The following TESK2 variants were observed in gnomAD, a reference collection of about 807,000 sequenced individuals.
TESK2 encodes the protein testis associated actin remodelling kinase 2.
A neutral mutation model predicts 57.1 loss-of-function variants in TESK2; 39 were observed. The ratio of observed to expected loss-of-function variants is 0.68; its 90% CI spans 0.53 to 0.89. TESK2 has a LOEUF of 0.89. Among genes scored for constraint, TESK2 ranks in the 40% least tolerant of loss-of-function variants. The pLI, the probability that TESK2 is intolerant of heterozygous loss-of-function variation, is 0.00. For synonymous variants in TESK2, 249 were observed against 267.9 expected (o/e 0.93, Z 0.69); for missense variants, 646 against 732.1 (o/e 0.88, Z 1.36).
chr1:45,415,406 C>A, intron 3 of TESK2: 1 of 755,082 alleles, frequency 1.3e-6, no homozygotes, highest in Non-Finnish European at 2.2e-6. Flanking sequence ...CAGGAGAGCA[C>A]TCCTCCACCC....
In TESK2 at chr1:45,344,890, A is replaced by T. The variant is rs750637742; in HGVS notation, c.1666T>A (p.Phe556Ile). 1.9e-6 allele frequency: 3 copies of T among 1,613,752 alleles called. No homozygotes were observed. The highest frequency in any genetic ancestry group is 2.5e-6 in the Non-Finnish European group (3 of 1,180,048). The change falls in exon 11 of 11, where the codon TTC becomes ATC. Residue 556 changes from phenylalanine (F) to isoleucine (I), a missense_variant. Physicochemically the swap from Phe to Ile is conservative, Grantham distance 21 (BLOSUM62 0). Transcript: ENST00000372086. ...ERPAGSTPAT[F>I]STSGIGLQTQ... ...TGCAGGCCTATGCCTGAGGTGGAGA[A>T]GGTGGCTGGAGTTGAGCCTGCTGGC...
chr1:45,426,970 C>T (rs879910477), intron 2 of TESK2, among the ~76,000 whole-genome samples: 4 of 152,036 alleles, frequency 2.6e-5, no homozygotes, highest in South Asian at 2.1e-4. Flanking sequence ...AGGCTGGGCA[C>T]GGTGGCTCAC....
At chr1:45,350,067 G>A (rs889908012) in intron 5 of TESK2, among the ~76,000 whole-genome samples, 14 of 152,088 alleles carry the variant, frequency 9.2e-5, no homozygotes, top group African/African-American at 1.4e-4. Flanking sequence ...ACTTGAATCC[G>A]GGAGGCAGAG....
At chr1:45,436,181 C>T (rs112411119) in intron 2 of TESK2, among the ~76,000 whole-genome samples, 1,823 of 56,574 alleles carry the variant, frequency 0.032, 90 homozygotes, top group Middle Eastern at 0.13. Flanking sequence ...TTGGTATCTT[C>T]TTTTTTTTTT....
At chr1:45,490,739 G>A (rs1211248934) in intron 1 of TESK2, 113 bp downstream of exon 1, 1 of 152,258 alleles carries the variant, frequency 6.6e-6, no homozygotes, top group Non-Finnish European at 1.5e-5. Context: ...GGGTCCCGTC[G>A]GGTGCGGAGG....
At chr1:45,382,525 T>C (rs933266855) in intron 4 of TESK2, among the ~76,000 whole-genome samples, 1 of 152,188 alleles carries the variant, frequency 6.6e-6, no homozygotes. Flanking sequence ...AGGCGTGAAC[T>C]ACCATGCCCA....
At position 45,402,494 on chromosome 1, in the gene TESK2, T is replaced by G. The variant is rs1371838381; in HGVS notation, c.345-16534A>C. 1.3e-5 allele frequency among the ~76,000 whole-genome samples: 2 copies of G among 151,644 alleles called. 1 individual carries two copies. The highest frequency in any genetic ancestry group is 2.9e-5 in the Non-Finnish European group (2 of 67,876). ...TTGGTGTACTATTTTTTCTTTTTTT[T>G]TTTTTGAGACTGAGTTTAGCTCTTG... is the stretch of plus-strand genomic sequence containing the variant. On this transcript the variant is annotated intron_variant, in intron 3 of 10. Transcript: ENST00000372086.
chr1:45,458,571 A>AC (rs1652208226), intron 1 of TESK2, among the ~76,000 whole-genome samples: 2 of 152,224 alleles, frequency 1.3e-5, no homozygotes, highest in African/African-American at 4.8e-5. Flanking sequence ...TCTCAAAAAA[A>AC]AAAAAAAAAA....
intron 4 of TESK2, among the ~76,000 whole-genome samples, chr1:45,370,192 G>A (rs55786026): frequency 6.6e-6 from 1 of 152,020 alleles, no homozygotes; most frequent in Non-Finnish European, 1.5e-5. Context: ...ATTATAGTAG[G>A]GCATAAAGGA....
intron 3 of TESK2, among the ~76,000 whole-genome samples, chr1:45,387,761 T>G (rs1321856270): frequency 1.3e-5 from 2 of 152,056 alleles, no homozygotes; most frequent in Non-Finnish European, 2.9e-5. Flanking sequence ...TATCCCAGCA[T>G]TTTGGGAGGC....
chr1:45,460,139 C>T (rs977683579), intron 1 of TESK2, among the ~76,000 whole-genome samples: 2 of 137,474 alleles, frequency 1.5e-5, no homozygotes, highest in Non-Finnish European at 3.2e-5. Flanking sequence ...CAACAGAAGT[C>T]CAAACCTCAG....
At chr1:45,454,639 A>T (rs956074730) in intron 2 of TESK2, among the ~76,000 whole-genome samples, 3 of 152,026 alleles carry the variant, frequency 2.0e-5, no homozygotes, top group African/African-American at 7.2e-5. Flanking sequence ...AATTACTCAT[A>T]TGACTCAGCA....
At chr1:45,345,590 C>G (rs1647129859) in intron 10 of TESK2, 32 bp from the exon 11 acceptor site, 1 of 1,556,780 alleles carries the variant, frequency 6.4e-7, no homozygotes, top group Non-Finnish European at 8.8e-7. Flanking sequence ...GTTACTCTCA[C>G]TAGTCATAAC....
At position 45,421,891 on chromosome 1, in the gene TESK2, T is replaced by C. The variant is rs77188574; in HGVS notation, c.223-45A>G. 633 of 1,602,354 alleles carry C rather than the reference T, an allele frequency of 4.0e-4. 6 individuals carry two copies. In the African/African-American group the frequency reaches 7.8e-3, roughly 20 times the overall value. On this transcript the variant is annotated intron_variant, in intron 2 of 10. Coordinates refer to ENST00000372086, the MANE Select transcript of TESK2 (RefSeq NM_007170.3). ...AAGAAAAGAGGGTCAAGGGCAATAG[T>C]TATATGTGAGGTCAACATCTCCAAA...
At chr1:45,426,156 GAAAA>G (rs372553058) in intron 2 of TESK2, among the ~76,000 whole-genome samples, 1 of 151,564 alleles carries the variant, frequency 6.6e-6, no homozygotes. Context: ...TGTCTCAAAA[GAAAA>G]AAAGAAAGAA....
chr1:45,406,617 C>CAGAGCCTGG (rs1649860640), intron 3 of TESK2, among the ~76,000 whole-genome samples: 1 of 152,070 alleles, frequency 6.6e-6, no homozygotes, highest in Non-Finnish European at 1.5e-5. Context: ...ATCACACCCA[C>CAGAGCCTGG]TGCACTCCAG....
At chr1:45,442,840 C>G (rs549274098) in intron 2 of TESK2, among the ~76,000 whole-genome samples, 2 of 152,198 alleles carry the variant, frequency 1.3e-5, no homozygotes, top group Non-Finnish European at 1.5e-5. Context: ...GGCTGGAGTG[C>G]AGTGGCGTGA....
At chr1:45,485,155 A>C (rs911588190) in intron 1 of TESK2, among the ~76,000 whole-genome samples, 4 of 151,964 alleles carry the variant, frequency 2.6e-5, no homozygotes, top group African/African-American at 9.7e-5. Flanking sequence ...TAAAGAACAG[A>C]GATGGAAGTA....
chr1:45,481,282 G>A lies in TESK2; in HGVS notation c.-87+9570C>T, dbSNP rs189758160. ...CGGGAGGCTGAGGCAGGAGAATGGC[G>A]TGAACCCAGGAGGCGGAGTTTGCAG... On this transcript the variant is annotated intron_variant, in intron 1 of 10. Transcript: ENST00000372086. 4.4e-4 allele frequency among the ~76,000 whole-genome samples: 67 copies of A among 151,798 alleles called. 3 individuals carry two copies. Among genetic ancestry groups the A allele is most frequent in the African/African-American group, 1.6e-3 (65 of 41,418 alleles).
Sources: gnomAD v4.1 joint callset for allele counts (sites outside exome capture counted in the v4.1 genomes callset) on GRCh38, gnomAD v4.1.1 for gene constraint, MANE v1.5 for transcripts, NCBI Gene and HGNC (gene_info 2026-07-23, HGNC 2026-07-21) for gene names.